EBF1: variants seen among roughly 807,000 people sequenced by gnomAD.
The protein encoded by EBF1 is transcription factor COE1.
A neutral mutation model predicts 68.4 loss-of-function variants in EBF1; 10 were observed. The ratio of observed to expected loss-of-function variants is 0.15; its 90% confidence interval spans 0.09 to 0.25. The LOEUF (loss-of-function observed/expected upper bound fraction) is 0.25, where lower values mean the gene tolerates loss of function less well. EBF1 is among the 10% of genes least tolerant of loss of function. The pLI is 1.00. For missense variants in EBF1, 509 were observed against 794.4 expected (o/e 0.64, Z 4.32); for synonymous variants, 298 against 299.8 (o/e 0.99, Z 0.06).
At chr5:158,992,798 A>G (rs1760610525) in intron 6 of EBF1, among the ~76,000 whole-genome samples, 2 of 152,068 alleles carry the variant, frequency 1.3e-5, no homozygotes, top group South Asian at 4.1e-4. Flanking sequence ...GATGTTCTGT[A>G]AATAAGACTT....
chr5:159,016,160 A>G (rs2127697172), intron 6 of EBF1, among the ~76,000 whole-genome samples: 1 of 152,356 alleles, frequency 6.6e-6, no homozygotes, highest in Middle Eastern at 3.4e-3. Context: ...GTGAGAATTA[A>G]AAGAGGTGAT....
At chr5:158,810,025 G>A (rs1033440785) in intron 8 of EBF1, among the ~76,000 whole-genome samples, 4 of 152,124 alleles carry the variant, frequency 2.6e-5, no homozygotes. Flanking sequence ...ACCAAATCAA[G>A]GAGAGTTTCT....
intron 6 of EBF1, among the ~76,000 whole-genome samples, chr5:158,842,678 T>C (rs1048224743): frequency 6.6e-6 from 1 of 152,224 alleles, no homozygotes; most frequent in Non-Finnish European, 1.5e-5. Context: ...AGATACATGG[T>C]AGGTATGCTG....
chr5:158,719,135 A>G (rs1419394585), intron 11 of EBF1, among the ~76,000 whole-genome samples: 1 of 152,234 alleles, frequency 6.6e-6, no homozygotes, highest in Non-Finnish European at 1.5e-5. Context: ...ATTTAGCTAC[A>G]GACTCTTAAA....
intron 5 of EBF1, among the ~76,000 whole-genome samples, chr5:159,074,519 C>T (rs148730257): frequency 1.3e-3 from 201 of 152,310 alleles, no homozygotes; most frequent in Admixed American, 2.6e-3. Flanking sequence ...GAGATACACA[C>T]ATACGCGCAC....
intron 6 of EBF1, among the ~76,000 whole-genome samples, chr5:159,015,856 C>T (rs942151135): frequency 1.3e-5 from 2 of 152,192 alleles, no homozygotes; most frequent in Admixed American, 6.5e-5. Flanking sequence ...GCAAAAATCA[C>T]GTGTAGTCAA....
At chr5:158,725,903 T>A (rs2127531727) in intron 11 of EBF1, among the ~76,000 whole-genome samples, 2 of 152,344 alleles carry the variant, frequency 1.3e-5, no homozygotes, top group South Asian at 4.1e-4. Context: ...AATTTTGCAA[T>A]ATCATTCATC....
chr5:159,000,161 C>G (rs1762253824), intron 6 of EBF1, among the ~76,000 whole-genome samples: 1 of 152,156 alleles, frequency 6.6e-6, no homozygotes, highest in African/African-American at 2.4e-5. Flanking sequence ...TTCTCCATCA[C>G]ACACTTGCAG....
At chr5:158,753,492 G>A (rs1213845167) in intron 10 of EBF1, among the ~76,000 whole-genome samples, 1 of 152,026 alleles carries the variant, frequency 6.6e-6, no homozygotes, top group Non-Finnish European at 1.5e-5. Flanking sequence ...TTGATTCAAG[G>A]TAGTGGTCTG....
Position 159,025,679 on chromosome 5 carries a change from T to A in EBF1, c.554+47717A>T, listed in dbSNP as rs114142572. ...TTCCAATCTTTGAGGTCACAAGCAGTTGCCCTAGCCTGAACCCTGTAAGAT... is the reference window on the plus strand; with the variant it reads ...TTCCAATCTTTGAGGTCACAAGCAGATGCCCTAGCCTGAACCCTGTAAGAT... On this transcript the variant is annotated intron_variant, in intron 6 of 15. Coordinates refer to ENST00000313708, the MANE Select transcript of EBF1 (RefSeq NM_024007.5). Among the ~76,000 whole-genome samples the A allele has an allele frequency of 6.6e-3, 1,005 of 152,316 alleles. 9 individuals are homozygous for A. The highest frequency in any genetic ancestry group is 0.023 in the African/African-American group (962 of 41,572).
intron 10 of EBF1, among the ~76,000 whole-genome samples, chr5:158,774,263 G>A (rs983863963): frequency 9.2e-5 from 14 of 152,092 alleles, no homozygotes; most frequent in African/African-American, 3.4e-4. Flanking sequence ...GAGCCAGCTT[G>A]CAGGCAATCT....
In EBF1 at chr5:158,697,464, G is replaced by A. The variant is rs1035281719; in HGVS notation, c.*1647C>T. 3 of 208,958 alleles carry A rather than the reference G, an allele frequency of 1.4e-5. No homozygotes were observed. The highest frequency in any genetic ancestry group is 7.2e-5 in the East Asian group (1 of 13,880). The allele number at this position is 208,958 out of a possible 1,614,324, so 12.9% of individuals were successfully genotyped here. On this transcript the variant is annotated 3_prime_UTR_variant, in exon 16 of 16. Transcript: ENST00000313708. ...CAAGTGTAGGTGACCAAACAAATAC[G>A]CACTTTTCACGTAGCAAACATACAC...
intron 6 of EBF1, among the ~76,000 whole-genome samples, chr5:158,951,201 C>T (rs956125200): frequency 6.6e-6 from 1 of 152,206 alleles, no homozygotes; most frequent in Non-Finnish European, 1.5e-5. Context: ...TGACTATAAA[C>T]ACTTTTGACC....
intron 6 of EBF1, among the ~76,000 whole-genome samples, chr5:159,004,903 A>G (rs142432100): frequency 6.6e-6 from 1 of 152,294 alleles, no homozygotes; most frequent in Non-Finnish European, 1.5e-5. Flanking sequence ...ATCTGCCCAT[A>G]CTTCTCAAAC....
chr5:159,055,717 G>A (rs1463584242), intron 6 of EBF1, among the ~76,000 whole-genome samples: 3 of 152,160 alleles, frequency 2.0e-5, no homozygotes, highest in African/African-American at 7.2e-5. Context: ...CCCTGGGAAT[G>A]GCCAGGTAAT....
intron 6 of EBF1, among the ~76,000 whole-genome samples, chr5:159,002,290 C>T (rs1762695370): frequency 7.9e-5 from 12 of 152,096 alleles, no homozygotes. Flanking sequence ...GCTCTTTCCA[C>T]TGGCTGCCTT....
intron 6 of EBF1, among the ~76,000 whole-genome samples, chr5:158,920,166 T>A (rs550277413): frequency 1.7e-4 from 26 of 151,732 alleles, no homozygotes; most frequent in African/African-American, 6.0e-4. Context: ...TGTGTGTGTG[T>A]GTGTATGTGT....
At chr5:159,064,619 C>A (rs572648514) in intron 6 of EBF1, among the ~76,000 whole-genome samples, 1 of 152,164 alleles carries the variant, frequency 6.6e-6, no homozygotes, top group Non-Finnish European at 1.5e-5. Context: ...TTAAGGTGCT[C>A]ATAGACCAGG....
intron 6 of EBF1, 96 bp downstream of exon 6, chr5:159,073,300 C>T: frequency 7.6e-7 from 1 of 1,309,222 alleles, no homozygotes; most frequent in African/African-American, 1.5e-5. Context: ...AAATTTCAGC[C>T]ACATGCATTC....
Sources: gnomAD v4.1 joint callset for allele counts (sites outside exome capture counted in the v4.1 genomes callset) on GRCh38, gnomAD v4.1.1 for gene constraint, MANE v1.5 for transcripts, NCBI Gene and HGNC (gene_info 2026-07-23, HGNC 2026-07-21) for gene names.